DNAJC1: variants seen among roughly 807,000 people sequenced by gnomAD.
The protein encoded by DNAJC1 is dnaJ homolog subfamily C member 1.
DNAJC1 carries 58 observed loss-of-function variants against 76.6 expected under a neutral mutation model. The ratio of observed to expected loss-of-function variants is 0.76; its 90% CI spans 0.61 to 0.94. The LOEUF (loss-of-function observed/expected upper bound fraction) is 0.94, where lower values mean the gene tolerates loss of function less well. Among genes scored for constraint, DNAJC1 ranks in the 40% least tolerant of loss-of-function variants. The pLI, the probability that DNAJC1 is intolerant of heterozygous loss-of-function variation, is 0.00. For synonymous variants in DNAJC1, 258 were observed against 267.9 expected, an observed-to-expected ratio of 0.96 and a Z score of 0.36; for missense variants, 689 against 677.3, an observed-to-expected ratio of 1.02 and a Z score of -0.19.
At chr10:21,932,861 A>G (rs540608545) in intron 1 of DNAJC1, among the ~76,000 whole-genome samples, 37 of 152,248 alleles carry the variant, frequency 2.4e-4, no homozygotes, top group Middle Eastern at 3.4e-3. Context: ...TGGCCTCCCA[A>G]AGTGCTGGGA....
At chr10:21,850,930 G>T (rs1446289662) in intron 8 of DNAJC1, among the ~76,000 whole-genome samples, 2 of 152,106 alleles carry the variant, frequency 1.3e-5, no homozygotes, top group Non-Finnish European at 2.9e-5. Flanking sequence ...GATAGAAACA[G>T]TCTCTTCAAC....
At chr10:21,898,431 G>C (rs1378992853) in intron 7 of DNAJC1, among the ~76,000 whole-genome samples, 1 of 151,982 alleles carries the variant, frequency 6.6e-6, no homozygotes, top group African/African-American at 2.4e-5. Flanking sequence ...TAGTGATGCT[G>C]GTATAAACCC....
intron 8 of DNAJC1, among the ~76,000 whole-genome samples, chr10:21,862,762 G>C (rs1217827383): frequency 2.0e-5 from 3 of 151,992 alleles, no homozygotes; most frequent in African/African-American, 7.3e-5. Context: ...ATGCTCAGAG[G>C]AAATTTAAAG....
chr10:21,892,356 AACACAC>A lies in DNAJC1; in HGVS notation c.821-9923_821-9918del, dbSNP rs35532996. Among the ~76,000 whole-genome samples the A allele has an allele frequency of 1.8e-4, 26 of 147,726 alleles. No individual in the cohort carries two copies. The East Asian group carries it at 3.0e-3, about 17-fold the overall frequency. On this transcript the variant is annotated intron_variant, in intron 7 of 11. Transcript: ENST00000376980. ...GTTTAAATACACAAATTGTCTATTT[AACACAC>A]ACACACACACACACACACACGGTCT... is the stretch of plus-strand genomic sequence containing the variant.
At chr10:21,851,446 TG>T (rs1361349651) in intron 8 of DNAJC1, among the ~76,000 whole-genome samples, 11 of 151,996 alleles carry the variant, frequency 7.2e-5, no homozygotes, top group Non-Finnish European at 1.5e-4. Flanking sequence ...CACCCTAGGG[TG>T]GCTATAACAA....
At chr10:21,950,914 G>C (rs1837583414) in intron 1 of DNAJC1, among the ~76,000 whole-genome samples, 1 of 152,170 alleles carries the variant, frequency 6.6e-6, no homozygotes, top group African/African-American at 2.4e-5. Flanking sequence ...GCAGAAGTTG[G>C]ATCACGAGGC....
chr10:21,790,723 T>C (rs757193184), intron 9 of DNAJC1, among the ~76,000 whole-genome samples: 9 of 151,976 alleles, frequency 5.9e-5, no homozygotes, highest in East Asian at 1.9e-4. Flanking sequence ...TTCACTGTTA[T>C]AGCAAATACA....
chr10:21,802,492 G>C (rs1378402497), intron 9 of DNAJC1, among the ~76,000 whole-genome samples: 1 of 152,106 alleles, frequency 6.6e-6, no homozygotes, highest in Non-Finnish European at 1.5e-5. Context: ...AAATGAATTG[G>C]GAATTTTATG....
chr10:21,814,458 T>A (rs1226372049), intron 8 of DNAJC1, among the ~76,000 whole-genome samples: 1 of 152,196 alleles, frequency 6.6e-6, no homozygotes, highest in East Asian at 1.9e-4. Context: ...ATAATGAGCA[T>A]GAAAAGAGAA....
chr10:21,893,529 A>C (rs868710319), intron 7 of DNAJC1, among the ~76,000 whole-genome samples: 6 of 152,112 alleles, frequency 3.9e-5, no homozygotes, highest in South Asian at 2.1e-4. Context: ...CAGGAGGCTG[A>C]GGTGAGAGAA....
At chr10:21,989,016 T>A (rs1188261625) in intron 1 of DNAJC1, among the ~76,000 whole-genome samples, 1 of 152,274 alleles carries the variant, frequency 6.6e-6, no homozygotes, top group African/African-American at 2.4e-5. Context: ...CTCGTGGGAT[T>A]TGATTATTTT....
intron 8 of DNAJC1, among the ~76,000 whole-genome samples, chr10:21,870,270 A>T (rs531950485): frequency 7.2e-4 from 110 of 152,186 alleles, no homozygotes; most frequent in African/African-American, 2.4e-3. Context: ...ATAAATAAAA[A>T]TTTTTTAGCA....
At chr10:21,941,268 CA>C (rs11435502) in intron 1 of DNAJC1, among the ~76,000 whole-genome samples, 154 of 43,646 alleles carry the variant, frequency 3.5e-3, no homozygotes, top group African/African-American at 0.014. Flanking sequence ...GACACTGTCT[CA>C]AAAAAAAAAA....
At chr10:21,908,146 AATATATAATATATAAAAAT>A (rs1328245722) in intron 6 of DNAJC1, among the ~76,000 whole-genome samples, 2 of 109,494 alleles carry the variant, frequency 1.8e-5, no homozygotes, top group African/African-American at 7.5e-5. Flanking sequence ...AAAAATATAT[AATATATAATATATAAAAAT>A]ATATAATATA....
intron 9 of DNAJC1, among the ~76,000 whole-genome samples, chr10:21,781,149 G>A (rs1296383767): frequency 6.6e-6 from 1 of 152,146 alleles, no homozygotes; most frequent in African/African-American, 2.4e-5. Context: ...AGTAATGGGA[G>A]ACTTTAACAC....
intron 8 of DNAJC1, among the ~76,000 whole-genome samples, chr10:21,827,892 C>T (rs541685828): frequency 7.9e-5 from 12 of 152,300 alleles, no homozygotes; most frequent in African/African-American, 2.9e-4. Context: ...TACTAGCATG[C>T]TGCAATGAAC....
intron 1 of DNAJC1, among the ~76,000 whole-genome samples, chr10:21,985,950 G>A (rs545526471): frequency 5.2e-4 from 79 of 152,158 alleles, no homozygotes; most frequent in African/African-American, 1.7e-3. Context: ...TGCCACGGCC[G>A]GGCACGGTGG....
At chr10:21,879,280 A>T (rs1258412675) in intron 8 of DNAJC1, among the ~76,000 whole-genome samples, 1 of 152,174 alleles carries the variant, frequency 6.6e-6, no homozygotes, top group African/African-American at 2.4e-5. Context: ...TAAAGTTAAT[A>T]TTGTAATAAA....
chr10:21,870,562 C>T (rs1367169893), intron 8 of DNAJC1, among the ~76,000 whole-genome samples: 2 of 151,974 alleles, frequency 1.3e-5, no homozygotes, highest in African/African-American at 2.4e-5. Flanking sequence ...CTGCTTAAGC[C>T]CAAGAGTTGG....
Sources: allele counts gnomAD v4.1 joint callset (sites outside exome capture counted in the v4.1 genomes callset), GRCh38; gene constraint gnomAD v4.1.1; transcripts MANE v1.5; gene names NCBI Gene and HGNC (gene_info 2026-07-23, HGNC 2026-07-21).